Variants in ANGPT2 observed in about 807,000 individuals in gnomAD.
ANGPT2 encodes angiopoietin-2.
In ANGPT2, 28 loss-of-function variants were observed where a neutral mutation model predicts 62.9. That is an observed-to-expected ratio of 0.44 (90% CI 0.33 to 0.61). ANGPT2 has a LOEUF of 0.61. Among genes scored for constraint, ANGPT2 ranks in the 20% least tolerant of loss-of-function variants. The pLI is 0.03. For synonymous variants in ANGPT2, 284 were observed against 207.8 expected, an observed-to-expected ratio of 1.37 and a Z score of -3.15; for missense variants, 727 against 594.9, an observed-to-expected ratio of 1.22 and a Z score of -2.31.
At chr8:6,507,252 T>G (rs772820538) in intron 8 of ANGPT2, among the ~76,000 whole-genome samples, 1 of 152,192 alleles carries the variant, frequency 6.6e-6, no homozygotes, top group South Asian at 2.1e-4. Flanking sequence ...TCCATTTGTT[T>G]AATGTAGTAA....
rs1032166575 is a variant in ANGPT2 at position 6,555,855 on chromosome 8, G to A, written c.288+6792C>T. On this transcript the variant is annotated intron_variant, in intron 1 of 8. Coordinates refer to ENST00000629816, the MANE Select transcript of ANGPT2 (RefSeq NM_001118887.2). ...CTATTACAAGGTGGAATTTCTTATCGTTCCTTTACAAACAGGATATTCCCA... is the reference window on the plus strand; with the variant it reads ...CTATTACAAGGTGGAATTTCTTATCATTCCTTTACAAACAGGATATTCCCA... 4.6e-5 allele frequency among the ~76,000 whole-genome samples: 7 copies of A among 152,104 alleles called. No homozygotes were observed. The East Asian group carries it at 7.7e-4, about 17-fold the overall frequency.
At chr8:6,527,705 A>T in intron 2 of ANGPT2, 29 bp from the exon 3 acceptor site, 1 of 1,566,168 alleles carries the variant, frequency 6.4e-7, no homozygotes, top group Non-Finnish European at 8.6e-7. Context: ...AGTTCCTATT[A>T]ATTATTTTTT....
intron 1 of ANGPT2, among the ~76,000 whole-genome samples, chr8:6,555,006 A>G (rs1382853838): frequency 6.6e-6 from 1 of 152,216 alleles, no homozygotes; most frequent in Admixed American, 6.5e-5. Flanking sequence ...GAGTCCAGGC[A>G]GTGGTAGGCA....
rs1812057812 is a variant in ANGPT2 at position 6,500,953 on chromosome 8, A to G, written c.*2148T>C. 6.6e-6 allele frequency: 1 copy of G among 152,226 alleles called. No homozygotes were observed. Among genetic ancestry groups the G allele is most frequent in the Admixed American group, 6.5e-5 (1 of 15,280 alleles). 9.4% of individuals were successfully genotyped at this position (152,226 alleles called of 1,614,324 possible). ...TTAGCGTTTCCCTACCTAAGTATCC[A>G]TCACTCTTGTCATTGAGATATCCTA... On this transcript the variant is annotated 3_prime_UTR_variant, in exon 9 of 9. Coordinates refer to ENST00000629816, the MANE Select transcript of ANGPT2 (RefSeq NM_001118887.2).
intron 1 of ANGPT2, among the ~76,000 whole-genome samples, chr8:6,557,053 G>C (rs180753802): frequency 3.9e-4 from 59 of 152,310 alleles, no homozygotes; most frequent in Admixed American, 3.3e-3. Context: ...GGGTCATATG[G>C]TGTTCACTCA....
intron 5 of ANGPT2, 137 bp from the exon 6 acceptor site, chr8:6,514,915 C>G: frequency 1.6e-6 from 1 of 644,174 alleles, no homozygotes; most frequent in Non-Finnish European, 2.7e-6. Context: ...CGGAGTAGAC[C>G]ATCGGGGTTG....
In ANGPT2 at chr8:6,500,877, T is replaced by G. The variant is rs980111129; in HGVS notation, c.*2224A>C. 8 of 152,248 alleles carry G rather than the reference T, an allele frequency of 5.3e-5. No individual in the cohort carries two copies. The highest frequency in any genetic ancestry group is 1.9e-4 in the African/African-American group (8 of 41,480). 9.4% of individuals were successfully genotyped at this position (152,248 alleles called of 1,614,324 possible). On this transcript the variant is annotated 3_prime_UTR_variant, in exon 9 of 9. Transcript: ENST00000629816. ...ATTTGTCCTTGAATTTTTTATCACC[T>G]GCCTACAAAGAGAATTGATATAAAT...
chr8:6,526,257 T>TG lies in ANGPT2; in HGVS notation c.566+1297_566+1298insC, dbSNP rs1327541036. ...CAATATGGCAAAACCTTGCCTCTAC[T>TG]AAAAAAAAAAAAAAAAAAAAAAAAA... On this transcript the variant is annotated intron_variant, in intron 3 of 8. Coordinates refer to ENST00000629816, the MANE Select transcript of ANGPT2 (RefSeq NM_001118887.2). 2.6e-3 allele frequency among the ~76,000 whole-genome samples: 201 copies of TG among 77,504 alleles called. 1 individual carries two copies. Among genetic ancestry groups the TG allele is most frequent in the African/African-American group, 8.1e-3 (192 of 23,610 alleles). The allele number at this position is 77,504 out of a possible 152,430, so 50.8% of individuals were successfully genotyped here.
chr8:6,514,858 C>G, intron 5 of ANGPT2, 80 bp from the exon 6 acceptor site: 1 of 1,247,862 alleles, frequency 8.0e-7, no homozygotes, highest in Non-Finnish European at 1.2e-6. Context: ...GGAATGTAGA[C>G]CCTGAGTGCA....
At chr8:6,558,254 C>T (rs913086813) in intron 1 of ANGPT2, among the ~76,000 whole-genome samples, 7 of 152,152 alleles carry the variant, frequency 4.6e-5, no homozygotes, top group African/African-American at 1.7e-4. Context: ...GTGCTAATCT[C>T]CAAGAAAGGG....
intron 8 of ANGPT2, among the ~76,000 whole-genome samples, chr8:6,503,583 C>T (rs1182245098): frequency 6.6e-6 from 1 of 152,214 alleles, no homozygotes; most frequent in Non-Finnish European, 1.5e-5. Flanking sequence ...AGTAAGCAAA[C>T]ATCTGAGGCA....
intron 5 of ANGPT2, among the ~76,000 whole-genome samples, chr8:6,517,259 GGAACCTGATAT>G (rs1816436601): frequency 6.6e-6 from 1 of 152,160 alleles, no homozygotes. Flanking sequence ...GCATGGTGCA[GGAACCTGATAT>G]CTTTCTATAA....
intron 7 of ANGPT2, among the ~76,000 whole-genome samples, chr8:6,510,655 A>G (rs60285325): frequency 0.088 from 13,333 of 152,182 alleles, 1,081 homozygotes; most frequent in African/African-American, 0.21. Context: ...CAGACTCTTA[A>G]GTCATGGAGG....
At chr8:6,542,291 G>T (rs1821740704) in intron 1 of ANGPT2, among the ~76,000 whole-genome samples, 1 of 149,944 alleles carries the variant, frequency 6.7e-6, no homozygotes, top group South Asian at 2.1e-4. Context: ...GTGAGGTAGG[G>T]GTGTGTGTGT....
At chr8:6,510,864 A>G (rs1373359819) in intron 7 of ANGPT2, among the ~76,000 whole-genome samples, 1 of 152,194 alleles carries the variant, frequency 6.6e-6, no homozygotes, top group Non-Finnish European at 1.5e-5. Context: ...CATGAACTGG[A>G]CATGTGAGTC....
At position 6,521,543 on chromosome 8, in the gene ANGPT2, G is replaced by A. The variant is rs1360280855; in HGVS notation, c.567-133C>T. ...TATAAAGTAATATGATGTTACCAGAGCCCTAAGGAATCTCTGAAACTTGCT... is the reference window on the plus strand; with the variant it reads ...TATAAAGTAATATGATGTTACCAGAACCCTAAGGAATCTCTGAAACTTGCT... On this transcript the variant is annotated intron_variant, in intron 3 of 8. Coordinates refer to ENST00000629816, the MANE Select transcript of ANGPT2 (RefSeq NM_001118887.2). 2.5e-5 allele frequency: 17 copies of A among 674,060 alleles called. No individual in the cohort carries two copies. The South Asian group carries it at 3.7e-4, about 15-fold the overall frequency. 41.8% of individuals were successfully genotyped at this position (674,060 alleles called of 1,614,324 possible). A position where few individuals can be genotyped will look rare whatever the true frequency, so the allele number is the denominator to read the frequency against.
At chr8:6,545,020 T>A (rs1822307977) in intron 1 of ANGPT2, among the ~76,000 whole-genome samples, 1 of 152,112 alleles carries the variant, frequency 6.6e-6, no homozygotes, top group Admixed American at 6.6e-5. Context: ...ACAAATAACA[T>A]AATAGATCGC....
At chr8:6,544,605 G>T (rs1822206997) in intron 1 of ANGPT2, among the ~76,000 whole-genome samples, 1 of 152,156 alleles carries the variant, frequency 6.6e-6, no homozygotes, top group African/African-American at 2.4e-5. Flanking sequence ...AGAGGGTTGA[G>T]TAAGAACCGA....
chr8:6,562,641 T>C lies in ANGPT2; in HGVS notation c.288+6A>G, dbSNP rs1469308863. The stretch of plus-strand genomic sequence containing the variant: ...GTTCACAAAGACAGATGGATTTTTT[T>C]CCTACCTTCATTAGCCACTGAGTGT... On this transcript the variant is annotated splice_donor_region_variant and intron_variant, in intron 1 of 8. Transcript: ENST00000629816. The C allele has an allele frequency of 3.5e-6, 5 of 1,408,492 alleles. No homozygotes were observed. The South Asian group carries it at 6.1e-5, about 17-fold the overall frequency. The allele number at this position is 1,408,492 out of a possible 1,614,324, so 87.2% of individuals were successfully genotyped here. A position where few individuals can be genotyped will look rare whatever the true frequency, so the allele number is the denominator to read the frequency against.
Sources: allele counts gnomAD v4.1 joint callset (sites outside exome capture counted in the v4.1 genomes callset), GRCh38; gene constraint gnomAD v4.1.1; transcripts MANE v1.5; gene names NCBI Gene and HGNC (gene_info 2026-07-23, HGNC 2026-07-21).